SCLT1: variants seen among roughly 807,000 people sequenced by gnomAD.
The protein encoded by SCLT1 is sodium channel and clathrin linker 1, also known as sodium channel-associated protein 1.
A neutral mutation model predicts 112.8 loss-of-function variants in SCLT1; 78 were observed. The ratio of observed to expected loss-of-function variants is 0.69; its 90% CI spans 0.58 to 0.83. The LOEUF is 0.83. SCLT1 is among the 40% of genes least tolerant of loss of function. SCLT1 has a pLI of 0.00. For synonymous variants in SCLT1, 257 were observed against 254.7 expected (o/e 1.01, Z -0.09); for missense variants, 747 against 770.4 (o/e 0.97, Z 0.36).
At chr4:129,067,656 G>A (rs1290409536) in intron 2 of SCLT1, among the ~76,000 whole-genome samples, 4 of 151,764 alleles carry the variant, frequency 2.6e-5, no homozygotes, top group Non-Finnish European at 5.9e-5. Flanking sequence ...GATAACAGGT[G>A]CATACCACCA....
chr4:129,006,587 C>G (rs553678232), intron 5 of SCLT1, among the ~76,000 whole-genome samples: 2 of 151,978 alleles, frequency 1.3e-5, no homozygotes, highest in African/African-American at 4.8e-5. Flanking sequence ...GTAATTGTCC[C>G]CCATTGATTA....
intron 5 of SCLT1, among the ~76,000 whole-genome samples, chr4:129,025,327 C>T (rs1745944025): frequency 6.6e-6 from 1 of 152,194 alleles, no homozygotes; most frequent in Non-Finnish European, 1.5e-5. Context: ...CAAAGGGAAG[C>T]CCATCAGACT....
intron 13 of SCLT1, among the ~76,000 whole-genome samples, chr4:128,953,060 C>T (rs1387283783): frequency 2.0e-5 from 3 of 152,060 alleles, no homozygotes; most frequent in East Asian, 1.9e-4. Flanking sequence ...GGTTGTCAAA[C>T]ATTTTGGTCA....
intron 9 of SCLT1, among the ~76,000 whole-genome samples, chr4:128,976,835 A>G (rs574460092): frequency 5.2e-4 from 79 of 152,302 alleles, no homozygotes; most frequent in Admixed American, 5.1e-3. Flanking sequence ...GCACAAGCAT[A>G]AAGGTAGGTA....
At chr4:128,890,829 T>C (rs1733252391) in intron 19 of SCLT1, among the ~76,000 whole-genome samples, 2 of 152,330 alleles carry the variant, frequency 1.3e-5, no homozygotes, top group Non-Finnish European at 2.9e-5. Context: ...ACAAGTTCTA[T>C]TGGTAAAACA....
chr4:128,897,595 T>A (rs543936588), intron 18 of SCLT1, among the ~76,000 whole-genome samples: 1 of 152,040 alleles, frequency 6.6e-6, no homozygotes, highest in African/African-American at 2.4e-5. Context: ...CCATCGAGGC[T>A]AGGAAAAAAC....
At chr4:129,029,166 T>C (rs1466944008) in intron 5 of SCLT1, among the ~76,000 whole-genome samples, 2 of 152,034 alleles carry the variant, frequency 1.3e-5, no homozygotes, top group Non-Finnish European at 2.9e-5. Flanking sequence ...ACCCAGCCAT[T>C]CCATTACTGG....
At chr4:129,001,346 G>C (rs1381871151) in intron 6 of SCLT1, among the ~76,000 whole-genome samples, 1 of 151,634 alleles carries the variant, frequency 6.6e-6, no homozygotes, top group South Asian at 2.1e-4. Context: ...TGGGGGGGTG[G>C]GGAGGCACAG....
chr4:128,874,376 T>C (rs1732415144), intron 5 of SCLT1: 1 of 152,598 alleles, frequency 6.6e-6, no homozygotes. Flanking sequence ...TCATTTGCAC[T>C]ATTAGGAATG....
intron 5 of SCLT1, among the ~76,000 whole-genome samples, chr4:129,023,904 A>C (rs1281341744): frequency 6.6e-6 from 1 of 152,222 alleles, no homozygotes; most frequent in Non-Finnish European, 1.5e-5. Context: ...CCTGGCTTGG[A>C]GGGTCCTACG....
At chr4:129,021,567 G>C (rs1745475296) in intron 5 of SCLT1, among the ~76,000 whole-genome samples, 1 of 152,178 alleles carries the variant, frequency 6.6e-6, no homozygotes, top group South Asian at 2.1e-4. Flanking sequence ...GCTGAGGCTG[G>C]GAAGTCTGGG....
intron 18 of SCLT1, among the ~76,000 whole-genome samples, chr4:128,926,493 A>C (rs1736309053): frequency 6.6e-6 from 1 of 152,192 alleles, no homozygotes; most frequent in Non-Finnish European, 1.5e-5. Context: ...ATAAACAAAA[A>C]GTAAATATAT....
Position 128,952,806 on chromosome 4 carries a change from A to G in SCLT1, c.1181T>C (p.Ile394Thr), listed in dbSNP as rs1738870339. The G allele has an allele frequency of 6.4e-7, 1 of 1,567,696 alleles. No homozygotes were observed. Among genetic ancestry groups the G allele is most frequent in the Admixed American group, 1.7e-5 (1 of 59,912 alleles). The change falls in exon 14 of 21, where the codon ATT (isoleucine) becomes ACT (threonine). Residue 394 changes from isoleucine (I) to threonine (T), a missense_variant. Physicochemically the swap from Ile to Thr is moderately conservative, Grantham distance 89. Around this residue, in one of 2 missense-constraint regions of SCLT1, gnomAD observed 723 missense variants for 721.3 expected, o/e 1.00. Transcript: ENST00000281142. ...TGAAAGTTCTTCTGTTAATCGAGAA[A>G]TTTGTATATTACATTGTTTTTTGGT... Reference protein sequence around the residue: ...ANTKKQCNIQISRLTEELSAL... With the variant: ...ANTKKQCNIQTSRLTEELSAL...
intron 5 of SCLT1, among the ~76,000 whole-genome samples, chr4:129,021,776 G>C (rs1466818140): frequency 6.6e-6 from 1 of 152,226 alleles, no homozygotes; most frequent in Admixed American, 6.5e-5. Flanking sequence ...GAAAGCAGCT[G>C]ATCCTGACAA....
At chr4:128,949,044 A>T (rs1190767013) in intron 14 of SCLT1, among the ~76,000 whole-genome samples, 1 of 152,178 alleles carries the variant, frequency 6.6e-6, no homozygotes. Context: ...TAGCATGAAC[A>T]TAAAGTATTT....
rs372936509 is a variant in SCLT1 at position 128,943,236 on chromosome 4, A to G, written c.1440-48T>C. On this transcript the variant is annotated intron_variant, in intron 16 of 20. Coordinates refer to ENST00000281142, the MANE Select transcript of SCLT1 (RefSeq NM_144643.4). ...AGAATCCTTAAACTTAATGATCTAT[A>G]GTAGAAGATAAAAGTCTGTCTACAT... 22 of 1,300,680 alleles carry G rather than the reference A, an allele frequency of 1.7e-5. No individual in the cohort carries two copies. In the African/African-American group the frequency reaches 3.3e-4, roughly 19 times the overall value. 80.6% of individuals were successfully genotyped at this position (1,300,680 alleles called of 1,614,324 possible). A position where few individuals can be genotyped will look rare whatever the true frequency, so the allele number is the denominator to read the frequency against.
chr4:128,973,500 G>T (rs1223785478), intron 9 of SCLT1, among the ~76,000 whole-genome samples: 1 of 151,306 alleles, frequency 6.6e-6, no homozygotes, highest in Admixed American at 6.6e-5. Flanking sequence ...GAGAGGGAAA[G>T]AGAGGGAGAG....
Position 129,039,120 on chromosome 4 carries a change from G to A in SCLT1, c.235-24C>T, listed in dbSNP as rs747928089. The A allele has an allele frequency of 3.9e-6, 6 of 1,549,128 alleles. No homozygotes were observed. In the South Asian group the frequency reaches 6.7e-5, roughly 17 times the overall value. ...TTCTGAAAGAATAAAATATGGTGTG[G>A]CAATACATTTTGCAGACAATCAGAT... On this transcript the variant is annotated intron_variant, in intron 4 of 20. Transcript: ENST00000281142.
intron 11 of SCLT1, among the ~76,000 whole-genome samples, chr4:128,960,422 T>A (rs1244699768): frequency 6.6e-6 from 1 of 152,090 alleles, no homozygotes; most frequent in African/African-American, 2.4e-5. Context: ...AATATAGAAA[T>A]CTCATCAAGT....
Sources: allele counts gnomAD v4.1 joint callset (sites outside exome capture counted in the v4.1 genomes callset), GRCh38; gene constraint gnomAD v4.1.1; regional missense constraint gnomAD v4.1.1; transcripts MANE v1.5; gene names NCBI Gene and HGNC (gene_info 2026-07-23, HGNC 2026-07-21).